Variants in CEP350 observed in about 807,000 individuals in gnomAD.
The protein encoded by CEP350 is centrosome-associated protein 350.
A neutral mutation model predicts 331.8 loss-of-function variants in CEP350; 126 were observed. The observed-to-expected ratio is 0.38, with a 90% confidence interval of 0.33 to 0.44. CEP350 has a LOEUF of 0.44. Among genes scored for constraint, CEP350 ranks in the 20% least tolerant of loss-of-function variants. CEP350 has a pLI of 1.00. For missense variants in CEP350, 3,406 were observed against 3,634.6 expected (o/e 0.94, Z 1.62); for synonymous variants, 1,200 against 1,259.5 (o/e 0.95, Z 1.00).
chr1:180,003,648 C>A (rs576071921), intron 7 of CEP350, among the ~76,000 whole-genome samples: 3 of 152,108 alleles, frequency 2.0e-5, no homozygotes, highest in African/African-American at 7.2e-5. Flanking sequence ...AGGTAAGATA[C>A]TTACATGAGA....
Position 179,965,615 on chromosome 1 carries a change from C to CTTTTTTTTTTTT in CEP350, c.-14+10484_-14+10495dup, listed in dbSNP as rs747027286. Among the ~76,000 whole-genome samples the CTTTTTTTTTTTT allele has an allele frequency of 8.3e-3, 699 of 84,196 alleles. 1 individual carries two copies. The highest frequency in any genetic ancestry group is 0.01 in the Non-Finnish European group (484 of 46,210). 55.2% of individuals were successfully genotyped at this position (84,196 alleles called of 152,430 possible). A position where few individuals can be genotyped will look rare whatever the true frequency, so the allele number is the denominator to read the frequency against. On this transcript the variant is annotated intron_variant, in intron 1 of 37. Transcript: ENST00000367607. Reference sequence around the variant, plus strand: ...AAGTGATCTTTTTTCTTTTTCTTTTCTTTTTTTTTTTTTTTTTTTTTTGAG... The same window carrying CTTTTTTTTTTTT: ...AAGTGATCTTTTTTCTTTTTCTTTTCTTTTTTTTTTTTTTTTTTTTTTTTTTTTTTTTTTGAG...
chr1:179,991,094 A>G (rs888512797), intron 4 of CEP350, among the ~76,000 whole-genome samples: 1 of 151,822 alleles, frequency 6.6e-6, no homozygotes, highest in African/African-American at 2.4e-5. Flanking sequence ...GTTTTTAGTG[A>G]TGAGAGTTTC....
chr1:180,064,462 A>G (rs1250004104), intron 26 of CEP350, among the ~76,000 whole-genome samples: 1 of 152,144 alleles, frequency 6.6e-6, no homozygotes, highest in Non-Finnish European at 1.5e-5. Context: ...ACAAAATAAA[A>G]ACAGTCATTA....
chr1:180,090,545 CAAAAAA>C (rs36128628), intron 32 of CEP350, among the ~76,000 whole-genome samples, 163 bp from the exon 33 acceptor site: 1 of 77,378 alleles, frequency 1.3e-5, no homozygotes, highest in Non-Finnish European at 2.3e-5. Context: ...GACTCCGTCT[CAAAAAA>C]AAAAAAAAAA....
chr1:180,052,119 A>G (rs1332180840), intron 22 of CEP350: 1 of 425,234 alleles, frequency 2.4e-6, no homozygotes, highest in Non-Finnish European at 4.6e-6. Flanking sequence ...ATACATCCAT[A>G]TATTACCTAG....
Position 180,092,543 on chromosome 1 carries a change from A to G in CEP350, c.6509-71A>G, listed in dbSNP as rs987253543. On this transcript the variant is annotated intron_variant, in intron 33 of 37. Coordinates refer to ENST00000367607, the MANE Select transcript of CEP350 (RefSeq NM_014810.5). The stretch of plus-strand genomic sequence containing the variant: ...TTTCACTAAAATTTGGCTTTTCTCT[A>G]AACTTTGGTTCACAAAATTGAAAGA... 7 of 1,255,442 alleles carry G rather than the reference A, an allele frequency of 5.6e-6. No individual in the cohort carries two copies. In the South Asian group the frequency reaches 1.3e-4, roughly 23 times the overall value. 77.8% of individuals were successfully genotyped at this position (1,255,442 alleles called of 1,614,324 possible).
Position 180,093,109 on chromosome 1 carries a change from A to T in CEP350, c.7004A>T (p.Asp2335Val). The change falls in exon 34 of 38, where the codon GAT becomes GTT. Residue 2335 changes from aspartate (D) to valine (V), a missense_variant. Coordinates refer to ENST00000367607, the MANE Select transcript of CEP350 (RefSeq NM_014810.5). ...GAAATGTTGAAAGAGAGACAGTCAGATCAAGATATGAATCATAGTCCAAAC... is the reference window on the plus strand; with the variant it reads ...GAAATGTTGAAAGAGAGACAGTCAGTTCAAGATATGAATCATAGTCCAAAC... ...SEEMLKERQS[D>V]QDMNHSPNIQ... 6.2e-7 allele frequency: 1 copy of T among 1,602,930 alleles called. No homozygotes were observed. Among genetic ancestry groups the T allele is most frequent in the Non-Finnish European group, 8.5e-7 (1 of 1,173,932 alleles).
At chr1:179,979,485 T>A (rs972808997) in intron 1 of CEP350, among the ~76,000 whole-genome samples, 1 of 150,932 alleles carries the variant, frequency 6.6e-6, no homozygotes, top group African/African-American at 2.4e-5. Flanking sequence ...TTTCCTCCAA[T>A]TTTTTAGGTT....
rs1444222858 is a variant in CEP350, at chr1:180,037,411, G to GGT, written c.4110+322_4110+323insGT. 5.0e-5 allele frequency among the ~76,000 whole-genome samples: 7 copies of GGT among 139,790 alleles called. No individual in the cohort carries two copies. In the East Asian group the frequency reaches 8.1e-4, roughly 16 times the overall value. The allele number at this position is 139,790 out of a possible 152,430, so 91.7% of individuals were successfully genotyped here. ...ATTGATAGGTGAGAGAATACTGAGG[G>GGT]TTTTTTTTTTTTTTTTTAAGTTCTA... On this transcript the variant is annotated intron_variant, in intron 17 of 37. Transcript: ENST00000367607.
chr1:179,964,928 C>CT (rs893828329), intron 1 of CEP350, among the ~76,000 whole-genome samples: 49 of 151,578 alleles, frequency 3.2e-4, no homozygotes, highest in African/African-American at 1.0e-3. Context: ...TTAGTTACTT[C>CT]TTTTTTTTCT....
Position 180,075,131 on chromosome 1 carries a change from G to A in CEP350, c.5677G>A (p.Glu1893Lys), listed in dbSNP as rs770124705. The A allele has an allele frequency of 6.2e-7, 1 of 1,613,618 alleles. No individual in the cohort carries two copies. The highest frequency in any genetic ancestry group is 1.1e-5 in the South Asian group (1 of 90,958). ...DAEEAEIRQMEKQALAAWDKE... is the reference protein window; with the variant it reads ...DAEEAEIRQMKKQALAAWDKE... ...AGAAGAAGCAGAAATTCGTCAAATG[G>A]AAAAACAAGCTTTGGCTGCCTGGGA... is the stretch of plus-strand genomic sequence containing the variant. The change falls in exon 28 of 38, where the codon GAA (glutamate) becomes AAA (lysine). Residue 1893 changes from glutamate to lysine, a missense_variant. Coordinates refer to ENST00000367607, the MANE Select transcript of CEP350 (RefSeq NM_014810.5).
intron 37 of CEP350, among the ~76,000 whole-genome samples, chr1:180,101,753 A>G (rs1660828996): frequency 6.6e-6 from 1 of 152,216 alleles, no homozygotes; most frequent in African/African-American, 2.4e-5. Context: ...GGGGCTCCCA[A>G]GATCCACCTT....
chr1:180,012,623 A>G (rs981929306), intron 9 of CEP350, among the ~76,000 whole-genome samples: 1 of 152,176 alleles, frequency 6.6e-6, no homozygotes, highest in Non-Finnish European at 1.5e-5. Context: ...TTTTTCATGA[A>G]CAGTAATTTT....
At chr1:180,018,607 T>C (rs373662011) in intron 11 of CEP350, among the ~76,000 whole-genome samples, 11 of 152,166 alleles carry the variant, frequency 7.2e-5, no homozygotes, top group African/African-American at 2.7e-4. Context: ...AACTTATTAT[T>C]ACCCTGGTTA....
chr1:180,002,921 C>A (rs1653962016), intron 6 of CEP350, among the ~76,000 whole-genome samples: 1 of 151,980 alleles, frequency 6.6e-6, no homozygotes, highest in Non-Finnish European at 1.5e-5. Flanking sequence ...TTAGTAGTTG[C>A]CAGGGGATGG....
At chr1:179,970,491 G>A (rs1357180090) in intron 1 of CEP350, among the ~76,000 whole-genome samples, 1 of 151,866 alleles carries the variant, frequency 6.6e-6, no homozygotes, top group Non-Finnish European at 1.5e-5. Flanking sequence ...ATTTTATGTT[G>A]AGGATAGATA....
At position 180,093,323 on chromosome 1, in the gene CEP350, G is replaced by T. The variant is rs1167967201; in HGVS notation, c.7218G>T (p.Arg2406Ser). The T allele has an allele frequency of 6.3e-7, 1 of 1,598,864 alleles. No homozygotes were observed. The highest frequency in any genetic ancestry group is 1.3e-5 in the African/African-American group (1 of 74,758). ...DFEVSSLLSL[R>S]KDSQSCRDKP... ...AGGTGTCATCTTTGCTGTCACTCAG[G>T]AAAGACTCTCAGTCTTGCAGAGATA... The change falls in exon 34 of 38, where the codon AGG becomes AGT. Residue 2406 changes from arginine to serine, a missense_variant. By Grantham distance (110) the Arg-to-Ser change is moderately radical. Coordinates refer to ENST00000367607, the MANE Select transcript of CEP350 (RefSeq NM_014810.5).
rs959161647 is a variant in CEP350, at chr1:180,048,624, A to C, written c.4711A>C (p.Ser1571Arg). ...GAAACTTAATGGTGAAAAGATAGAG[A>C]GTTCCATTGATGAACAGGTTCAGAC... ...EKKLNGEKIESSIDEQVQTAA... is the reference protein window; with the variant it reads ...EKKLNGEKIERSIDEQVQTAA... The change falls in exon 22 of 38, where the codon AGT becomes CGT. Residue 1571 changes from serine (S) to arginine (R), a missense_variant. Ser to Arg is a moderately radical substitution (Grantham distance 110). This residue lies in a region of CEP350 where 1,857 missense variants were observed against 1,909.2 expected (regional missense o/e 0.97). Coordinates refer to ENST00000367607, the MANE Select transcript of CEP350 (RefSeq NM_014810.5). 27 of 1,609,280 alleles carry C rather than the reference A, an allele frequency of 1.7e-5. No individual in the cohort carries two copies. The highest frequency in any genetic ancestry group is 2.2e-5 in the Non-Finnish European group (26 of 1,175,754).
chr1:180,106,479 A>C (rs567693874), intron 37 of CEP350, among the ~76,000 whole-genome samples: 189 of 152,186 alleles, frequency 1.2e-3, no homozygotes, highest in African/African-American at 4.3e-3. Flanking sequence ...TGTCTGATAT[A>C]GTTTTGAGTC....
Sources: gnomAD v4.1 joint callset for allele counts (sites outside exome capture counted in the v4.1 genomes callset) on GRCh38, gnomAD v4.1.1 for gene constraint, gnomAD v4.1.1 regional missense constraint, MANE v1.5 for transcripts, NCBI Gene and HGNC (gene_info 2026-07-23, HGNC 2026-07-21) for gene names.